RYR2: variants seen among roughly 807,000 people sequenced by gnomAD.
The protein encoded by RYR2 is ryanodine receptor 2.
RYR2 carries 227 observed loss-of-function variants against 601.1 expected under a neutral mutation model. The ratio of observed to expected loss-of-function variants is 0.38; its 90% CI spans 0.34 to 0.42. RYR2 has a LOEUF of 0.42. Among genes scored for constraint, RYR2 ranks in the 10% least tolerant of loss-of-function variants. The probability of loss-of-function intolerance (pLI) is 1.00; values close to 1 mark genes in which losing one functional copy is unlikely to be tolerated. For missense variants in RYR2, 4,646 were observed against 6,156.5 expected (o/e 0.75, Z 8.21); for synonymous variants, 2,223 against 2,175.1 (o/e 1.02, Z -0.61).
At chr1:237,760,358 A>AT (rs1309029619) in intron 83 of RYR2, among the ~76,000 whole-genome samples, 3 of 67,718 alleles carry the variant, frequency 4.4e-5, no homozygotes, top group South Asian at 1.8e-3. Flanking sequence ...CCTGTCGCTA[A>AT]TTTAAAAAAA....
At chr1:237,230,999 C>T (rs1164222036) in intron 1 of RYR2, among the ~76,000 whole-genome samples, 2 of 149,944 alleles carry the variant, frequency 1.3e-5, no homozygotes, top group Non-Finnish European at 3.0e-5. Flanking sequence ...TTTTCCTGTG[C>T]ACAAGTTAAA....
intron 27 of RYR2, among the ~76,000 whole-genome samples, chr1:237,553,171 T>C (rs1248002971): frequency 6.6e-6 from 1 of 152,060 alleles, no homozygotes; most frequent in Non-Finnish European, 1.5e-5. Context: ...ATATTGTCTC[T>C]TATGTTTCCT....
At chr1:237,603,015 G>T (rs1676681143) in intron 35 of RYR2, among the ~76,000 whole-genome samples, 1 of 152,166 alleles carries the variant, frequency 6.6e-6, no homozygotes, top group South Asian at 2.1e-4. Context: ...AATACGCGAA[G>T]GCCCGTGGTG....
intron 48 of RYR2, among the ~76,000 whole-genome samples, chr1:237,646,641 T>C (rs1682188406): frequency 6.6e-6 from 1 of 152,206 alleles, no homozygotes; most frequent in Non-Finnish European, 1.5e-5. Flanking sequence ...ATTTTTATCA[T>C]ATTTATTTCC....
chr1:237,562,347 A>C (rs1043790140), intron 27 of RYR2, among the ~76,000 whole-genome samples: 2 of 152,240 alleles, frequency 1.3e-5, no homozygotes, highest in Non-Finnish European at 2.9e-5. Context: ...ATATGTATAA[A>C]ATTTTAGCTT....
intron 12 of RYR2, among the ~76,000 whole-genome samples, chr1:237,429,147 T>C (rs1229879265): frequency 6.6e-6 from 1 of 152,134 alleles, no homozygotes; most frequent in Non-Finnish European, 1.5e-5. Context: ...CCACACTCCT[T>C]GGCTTTTTAA....
intron 53 of RYR2, 94 bp downstream of exon 53, chr1:237,656,078 A>T (rs1683214194): frequency 2.6e-6 from 3 of 1,136,390 alleles, no homozygotes; most frequent in African/African-American, 3.2e-5. Flanking sequence ...TCTCTAATAC[A>T]TGCCCCCTTT....
At chr1:237,105,567 C>T (rs1251247785) in intron 1 of RYR2, among the ~76,000 whole-genome samples, 1 of 151,932 alleles carries the variant, frequency 6.6e-6, no homozygotes, top group Non-Finnish European at 1.5e-5. Context: ...CACAGTGGCT[C>T]ATGCCTGTAA....
intron 1 of RYR2, among the ~76,000 whole-genome samples, chr1:237,136,197 C>A (rs2148727819): frequency 6.6e-6 from 1 of 152,330 alleles, no homozygotes; most frequent in Non-Finnish European, 1.5e-5. Context: ...AAAGCGGAAA[C>A]ATTGCTCTGC....
At chr1:237,719,275 A>G (rs76721410) in intron 73 of RYR2, among the ~76,000 whole-genome samples, 4,089 of 152,242 alleles carry the variant, frequency 0.027, 186 homozygotes, top group African/African-American at 0.092. Context: ...CAAAATTTAC[A>G]TGGAGCGATC....
intron 17 of RYR2, among the ~76,000 whole-genome samples, chr1:237,480,461 A>T (rs979830988): frequency 1.2e-4 from 18 of 151,438 alleles, no homozygotes; most frequent in Admixed American, 1.2e-3. Flanking sequence ...AGGTTTTGAG[A>T]TGTGGCAATT....
intron 1 of RYR2, among the ~76,000 whole-genome samples, chr1:237,260,449 A>G (rs1036463560): frequency 3.3e-5 from 5 of 152,202 alleles, no homozygotes; most frequent in African/African-American, 9.6e-5. Context: ...GAGCATGACA[A>G]TTTGTCCAGG....
chr1:237,107,691 A>G (rs1249257333), intron 1 of RYR2, among the ~76,000 whole-genome samples: 1 of 152,046 alleles, frequency 6.6e-6, no homozygotes. Flanking sequence ...CTCTGAGTCC[A>G]CTCAGGATCT....
chr1:237,299,322 T>G (rs1475011128), intron 2 of RYR2, among the ~76,000 whole-genome samples: 2 of 152,310 alleles, frequency 1.3e-5, no homozygotes, highest in East Asian at 3.9e-4. Flanking sequence ...AGTGACTTTC[T>G]GCTAGAGAGA....
At position 237,148,515 on chromosome 1, in the gene RYR2, TA is replaced by T. The variant is rs372359390; in HGVS notation, c.48+105959del. Among the ~76,000 whole-genome samples, 730 of 105,126 alleles carry T rather than the reference TA, an allele frequency of 6.9e-3. 7 individuals carry two copies. The highest frequency in any genetic ancestry group is 0.024 in the East Asian group (80 of 3,388). 69.0% of individuals were successfully genotyped at this position (105,126 alleles called of 152,430 possible). Reference sequence around the variant, plus strand: ...TGCACATGTATCCCAGAACTTCAAGTAAAAAAAAAAAAATATATATATATAT... The same window carrying T: ...TGCACATGTATCCCAGAACTTCAAGTAAAAAAAAAAAATATATATATATAT... On this transcript the variant is annotated intron_variant, in intron 1 of 104. Transcript: ENST00000366574.
chr1:237,711,507 T>A (rs1462049962), intron 70 of RYR2, among the ~76,000 whole-genome samples: 1 of 152,226 alleles, frequency 6.6e-6, no homozygotes, highest in Non-Finnish European at 1.5e-5. Flanking sequence ...CAATGAAATT[T>A]TCTGAATCTT....
chr1:237,307,893 G>C (rs188730568), intron 2 of RYR2, among the ~76,000 whole-genome samples: 1 of 150,088 alleles, frequency 6.7e-6, no homozygotes, highest in Admixed American at 6.7e-5. Flanking sequence ...AATATTATCA[G>C]AGGCATTCGA....
intron 1 of RYR2, among the ~76,000 whole-genome samples, chr1:237,064,084 T>C (rs2148265558): frequency 6.6e-6 from 1 of 152,356 alleles, no homozygotes; most frequent in African/African-American, 2.4e-5. Context: ...TGCTTCTGCC[T>C]CATTCTCTCT....
At chr1:237,436,861 CT>C (rs1160276257) in intron 12 of RYR2, among the ~76,000 whole-genome samples, 1 of 148,316 alleles carries the variant, frequency 6.7e-6, no homozygotes, top group African/African-American at 2.5e-5. Context: ...TTTACTGAGT[CT>C]AGTTTTATAT....
Sources: allele counts gnomAD v4.1 joint callset (sites outside exome capture counted in the v4.1 genomes callset), GRCh38; gene constraint gnomAD v4.1.1; transcripts MANE v1.5; gene names NCBI Gene and HGNC (gene_info 2026-07-23, HGNC 2026-07-21).